RIMKLB: variants seen among roughly 807,000 people sequenced by gnomAD.
RIMKLB encodes beta-citrylglutamate synthase B.
In RIMKLB, 7 loss-of-function variants were observed where a neutral mutation model predicts 32.0. The observed-to-expected ratio is 0.22, with a 90% CI of 0.12 to 0.41. The LOEUF is 0.41. Among genes scored for constraint, RIMKLB ranks in the 10% least tolerant of loss-of-function variants. The pLI is 1.00. For missense variants in RIMKLB, 289 were observed against 498.7 expected (o/e 0.58, Z 4.00); for synonymous variants, 172 against 185.1 (o/e 0.93, Z 0.57).
intron 1 of RIMKLB, among the ~76,000 whole-genome samples, chr12:8,698,728 C>T (rs76504789): frequency 1.5e-5 from 2 of 131,160 alleles, no homozygotes; most frequent in East Asian, 4.0e-4. Flanking sequence ...CCCACAAATT[C>T]TATGGAGCGA....
chr12:8,747,390 C>CT (rs750323569), intron 2 of RIMKLB, among the ~76,000 whole-genome samples: 45 of 152,066 alleles, frequency 3.0e-4, no homozygotes, highest in African/African-American at 1.1e-3. Context: ...TCCTTTCTCT[C>CT]TTTTTTTTAA....
At chr12:8,722,007 G>T (rs943598884) in intron 2 of RIMKLB, among the ~76,000 whole-genome samples, 1 of 152,122 alleles carries the variant, frequency 6.6e-6, no homozygotes, top group Non-Finnish European at 1.5e-5. Context: ...GCCTCCCAAA[G>T]TGCTGGGATT....
chr12:8,697,682 T>C, upstream of RIMKLB: 1 of 300,492 alleles, frequency 3.3e-6, no homozygotes, highest in Non-Finnish European at 7.2e-6. Context: ...TCGCGCTCCC[T>C]TTTCGCTCCC....
intron 2 of RIMKLB, among the ~76,000 whole-genome samples, chr12:8,719,304 C>CT (rs1473629442): frequency 1.3e-5 from 2 of 152,108 alleles, no homozygotes. Flanking sequence ...TATTCAACTG[C>CT]TAAAAGACAC....
chr12:8,713,923 A>G lies in RIMKLB; in HGVS notation c.57A>G (p.Glu19=). Residue 19 remains glutamate, a synonymous_variant, in exon 2 of 6, where the codon GAA becomes GAG. Coordinates refer to ENST00000535829, the MANE Select transcript of RIMKLB (RefSeq NM_001297776.2). ...LWFLTDRRIR[E]DYPQKEILRA... is the part of the protein sequence containing the mutation. Reference sequence around the variant, plus strand: ...TTTTGACAGATCGTCGCATCAGGGAAGACTATCCTCAAAAAGAGATTTTAC... The same window carrying G: ...TTTTGACAGATCGTCGCATCAGGGAGGACTATCCTCAAAAAGAGATTTTAC... 2 of 1,614,162 alleles carry G rather than the reference A, an allele frequency of 1.2e-6. No homozygotes were observed. Among genetic ancestry groups the G allele is most frequent in the Non-Finnish European group, 1.7e-6 (2 of 1,180,010 alleles).
downstream of RIMKLB, among the ~76,000 whole-genome samples, chr12:8,781,077 A>C (rs994637389): frequency 1.3e-5 from 2 of 152,270 alleles, no homozygotes; most frequent in African/African-American, 4.8e-5. Context: ...ACTGTGGCTC[A>C]CGCCTGTAAT....
intron 2 of RIMKLB, among the ~76,000 whole-genome samples, chr12:8,720,542 C>T (rs775496477): frequency 1.4e-4 from 22 of 152,166 alleles, no homozygotes; most frequent in African/African-American, 5.3e-4. Flanking sequence ...TATCATTATC[C>T]CTCGTGTGTG....
In RIMKLB at chr12:8,773,920, G is replaced by GT. The variant is rs1950583333; in HGVS notation, c.*137dup. ...AAATTAGTAGGATTAGTTGGAGAGA[G>GT]TGGGAGATAGATGAGACCTCTGCTA... On this transcript the variant is annotated 3_prime_UTR_variant, in exon 6 of 6. Transcript: ENST00000535829. The GT allele has an allele frequency of 2.8e-6, 4 of 1,436,710 alleles. No homozygotes were observed. The South Asian group carries it at 6.0e-5, about 22-fold the overall frequency. 89.0% of individuals were successfully genotyped at this position (1,436,710 alleles called of 1,614,324 possible). A position where few individuals can be genotyped will look rare whatever the true frequency, so the allele number is the denominator to read the frequency against.
At chr12:8,742,692 TG>T in intron 2 of RIMKLB, 1 of 223,224 alleles carries the variant, frequency 4.5e-6, no homozygotes, top group South Asian at 6.4e-5. Flanking sequence ...TGGCAGCCTG[TG>T]CTGAAGTTTG....
rs1240992847 is a variant in RIMKLB, at chr12:8,700,311, A to G, written c.-57+2014A>G. The G allele has an allele frequency of 1.4e-4, 22 of 152,184 alleles. 1 individual carries two copies. The highest frequency in any genetic ancestry group is 1.2e-3 in the Admixed American group (18 of 15,274). 9.4% of individuals were successfully genotyped at this position (152,184 alleles called of 1,614,324 possible). ...AACATCTCTTTTAAAATATCTCCCA[A>G]TTACCCTTTTCACAATTTGTATCCA... On this transcript the variant is annotated intron_variant, in intron 1 of 5. Coordinates refer to ENST00000535829, the MANE Select transcript of RIMKLB (RefSeq NM_001297776.2).
intron 1 of RIMKLB, among the ~76,000 whole-genome samples, chr12:8,703,412 T>A (rs903105123): frequency 1.3e-5 from 2 of 152,174 alleles, no homozygotes; most frequent in Non-Finnish European, 2.9e-5. Flanking sequence ...ACTGTAGCCT[T>A]GAACTTCTAG....
intron 7 of RIMKLB, among the ~76,000 whole-genome samples, chr12:8,782,318 C>T (rs751902359): frequency 6.6e-6 from 1 of 151,814 alleles, no homozygotes; most frequent in African/African-American, 2.4e-5. Context: ...TCTTTTGGTA[C>T]AATTTTTCTG....
chr12:8,769,934 A>G (rs1188588375), intron 5 of RIMKLB, among the ~76,000 whole-genome samples: 1 of 151,996 alleles, frequency 6.6e-6, no homozygotes, highest in African/African-American at 2.4e-5. Flanking sequence ...AATAGTTTCA[A>G]GTACCTCCAA....
chr12:8,691,820 T>C (rs1264396527), intron 1 of RIMKLB, among the ~76,000 whole-genome samples: 3 of 152,158 alleles, frequency 2.0e-5, no homozygotes, highest in African/African-American at 7.2e-5. Flanking sequence ...TTAGGATGCT[T>C]CCAGACTTCA....
upstream of RIMKLB, among the ~76,000 whole-genome samples, chr12:8,694,066 A>T (rs1278787669): frequency 6.6e-6 from 1 of 151,918 alleles, no homozygotes; most frequent in Non-Finnish European, 1.5e-5. Flanking sequence ...AACATGGTGA[A>T]ACCCCAAGTT....
the RIMKLB span, among the ~76,000 whole-genome samples, chr12:8,670,223 A>G: frequency 7.9e-5 from 12 of 152,104 alleles, no homozygotes; most frequent in African/African-American, 2.9e-4. Context: ...TGCCTTCCCA[A>G]GAGTCCCCCA....
intron 2 of RIMKLB, among the ~76,000 whole-genome samples, chr12:8,747,363 G>A (rs181705849): frequency 2.0e-5 from 3 of 152,028 alleles, no homozygotes; most frequent in Admixed American, 1.3e-4. Context: ...TTTATGCTCT[G>A]CCTTACATTT....
chr12:8,691,572 C>T (rs924222516), intron 1 of RIMKLB, among the ~76,000 whole-genome samples: 9 of 152,138 alleles, frequency 5.9e-5, no homozygotes, highest in Non-Finnish European at 8.8e-5. Context: ...AGCCACTGCA[C>T]TCCCGCCTGG....
intron 2 of RIMKLB, among the ~76,000 whole-genome samples, chr12:8,723,024 T>C (rs908607564): frequency 6.6e-6 from 1 of 152,264 alleles, no homozygotes; most frequent in Non-Finnish European, 1.5e-5. Flanking sequence ...TGCTTTCTTA[T>C]CATTCATGTG....
Sources: gnomAD v4.1 joint callset for allele counts (sites outside exome capture counted in the v4.1 genomes callset) on GRCh38, gnomAD v4.1.1 for gene constraint, MANE v1.5 for transcripts, NCBI Gene and HGNC (gene_info 2026-07-23, HGNC 2026-07-21) for gene names.